Variants in TSC22D2 observed in about 807,000 individuals in gnomAD.
The protein encoded by TSC22D2 is TSC22 domain family member 2, also known as TSC22 domain family protein 2.
TSC22D2 carries 5 observed loss-of-function variants against 50.1 expected under a neutral mutation model. That is an observed-to-expected ratio of 0.10 (90% confidence interval 0.05 to 0.21). The LOEUF is 0.21. Ranked by LOEUF, TSC22D2 falls within the 10% of genes least tolerant of loss-of-function variation. TSC22D2 has a pLI of 1.00. For missense variants in TSC22D2, 1,003 were observed against 1,015.5 expected, an observed-to-expected ratio of 0.99 and a Z score of 0.17; for synonymous variants, 501 against 450.1, an observed-to-expected ratio of 1.11 and a Z score of -1.43.
intron 1 of TSC22D2, among the ~76,000 whole-genome samples, chr3:150,453,549 C>T (rs1176495853): frequency 1.3e-5 from 2 of 152,068 alleles, no homozygotes; most frequent in African/African-American, 4.8e-5. Context: ...AAATAGATTA[C>T]GGGGCCCCGC....
chr3:150,424,978 C>T (rs1720132093), intron 1 of TSC22D2, among the ~76,000 whole-genome samples: 1 of 152,156 alleles, frequency 6.6e-6, no homozygotes, highest in African/African-American at 2.4e-5. Context: ...TCTACACTTT[C>T]AGTTGGCAAC....
At chr3:150,420,950 G>A (rs1236415125) in intron 1 of TSC22D2, among the ~76,000 whole-genome samples, 1 of 152,178 alleles carries the variant, frequency 6.6e-6, no homozygotes, top group Admixed American at 6.5e-5. Context: ...GCGCGTGGTG[G>A]TGGGAGCCTG....
In TSC22D2 at chr3:150,410,823, G is replaced by T. The variant is rs370560797; in HGVS notation, c.1473G>T (p.Pro491=). 1.8e-5 allele frequency: 29 copies of T among 1,613,370 alleles called. No individual in the cohort carries two copies. In the African/African-American group the frequency reaches 2.8e-4, roughly 16 times the overall value. Residue 491 remains proline, a synonymous_variant, in exon 1 of 3, where the codon CCG becomes CCT. Transcript: ENST00000688009. ...CGCCGCAGATGGGTGGCAGTGGTCC[G>T]CTGTCAGCCGTACCTGGTGGCCCTC... The part of the protein sequence containing the change: ...VPPPQMGGSG[P]LSAVPGGPHA...
chr3:150,426,314 T>A (rs1445072306), intron 1 of TSC22D2, among the ~76,000 whole-genome samples: 1 of 152,210 alleles, frequency 6.6e-6, no homozygotes, highest in Non-Finnish European at 1.5e-5. Flanking sequence ...ATAGTAACTT[T>A]AAAATTTGAC....
At chr3:150,454,698 A>G (rs1471794906) in intron 1 of TSC22D2, among the ~76,000 whole-genome samples, 3 of 152,204 alleles carry the variant, frequency 2.0e-5, no homozygotes, top group East Asian at 3.9e-4. Context: ...AGCCTTCAAG[A>G]TAGTTAAAGG....
At chr3:150,447,402 T>G in intron 1 of TSC22D2, among the ~76,000 whole-genome samples, 1 of 152,184 alleles carries the variant, frequency 6.6e-6, no homozygotes, top group East Asian at 1.9e-4. Flanking sequence ...TCTTACAACT[T>G]TCAAATCTAG....
Position 150,419,524 on chromosome 3 carries a change from G to T in TSC22D2, c.1958+8216G>T, listed in dbSNP as rs1285065143. Reference sequence around the variant, plus strand: ...TAGAGATCTCTGAAGTCGAATTTTGGCATAGATTAAGAGAAAGAGGTGTTT... The same window carrying T: ...TAGAGATCTCTGAAGTCGAATTTTGTCATAGATTAAGAGAAAGAGGTGTTT... On this transcript the variant is annotated intron_variant, in intron 1 of 2. Coordinates refer to ENST00000688009, the MANE Select transcript of TSC22D2 (RefSeq NM_001303264.2). 3.9e-5 allele frequency among the ~76,000 whole-genome samples: 6 copies of T among 151,982 alleles called. No individual in the cohort carries two copies. The East Asian group carries it at 1.2e-3, about 29-fold the overall frequency.
chr3:150,426,292 T>G (rs1248593302), intron 1 of TSC22D2, among the ~76,000 whole-genome samples: 2 of 152,210 alleles, frequency 1.3e-5, no homozygotes, highest in East Asian at 3.8e-4. Context: ...CTAAGCCTAC[T>G]GGCATTTGAG....
In TSC22D2 at chr3:150,461,747, C is replaced by T. The variant is rs919084060; in HGVS notation, c.*3111C>T. The T allele has an allele frequency of 6.6e-6, 1 of 151,958 alleles. No homozygotes were observed. The highest frequency in any genetic ancestry group is 1.5e-5 in the Non-Finnish European group (1 of 67,994). The allele number at this position is 151,958 out of a possible 1,614,324, so 9.4% of individuals were successfully genotyped here. A position where few individuals can be genotyped will look rare whatever the true frequency, so the allele number is the denominator to read the frequency against. On this transcript the variant is annotated 3_prime_UTR_variant, in exon 3 of 3. Coordinates refer to ENST00000688009, the MANE Select transcript of TSC22D2 (RefSeq NM_001303264.2). ...TTGAGATAACGTTTTATAATCAAGCCTCCAGTGACTGGGGATCACAGCTGC... is the reference window on the plus strand; with the variant it reads ...TTGAGATAACGTTTTATAATCAAGCTTCCAGTGACTGGGGATCACAGCTGC...
In TSC22D2 at chr3:150,465,619, G is replaced by A. The variant is rs76324703; in HGVS notation, c.*6983G>A. 2 of 152,158 alleles carry A rather than the reference G, an allele frequency of 1.3e-5. No homozygotes were observed. Among genetic ancestry groups the A allele is most frequent in the Admixed American group, 1.3e-4 (2 of 15,270 alleles). 9.4% of individuals were successfully genotyped at this position (152,158 alleles called of 1,614,324 possible). A position where few individuals can be genotyped will look rare whatever the true frequency, so the allele number is the denominator to read the frequency against. Reference sequence around the variant, plus strand: ...AATGATGTCAATTGCACCTTTGCTTGTACAGTAGACCCCCTTATCTGCATT... The same window carrying A: ...AATGATGTCAATTGCACCTTTGCTTATACAGTAGACCCCCTTATCTGCATT... On this transcript the variant is annotated 3_prime_UTR_variant, in exon 3 of 3. Coordinates refer to ENST00000688009, the MANE Select transcript of TSC22D2 (RefSeq NM_001303264.2).
intron 1 of TSC22D2, among the ~76,000 whole-genome samples, chr3:150,424,673 G>C (rs1228949434): frequency 6.6e-6 from 1 of 152,066 alleles, no homozygotes; most frequent in South Asian, 2.1e-4. Flanking sequence ...GGCAAGTTGC[G>C]TATCTATGGT....
rs554820794 is a variant in TSC22D2 at position 150,458,451 on chromosome 3, G to C, written c.2086G>C (p.Val696Leu). Residue 696 changes from valine to leucine, a missense_variant, in exon 3 of 3, where the codon GTT (valine) becomes CTT (leucine). Around this residue, in one of 6 missense-constraint regions of TSC22D2, gnomAD observed 17 missense variants for 57.7 expected, o/e 0.29. Coordinates refer to ENST00000688009, the MANE Select transcript of TSC22D2 (RefSeq NM_001303264.2). ...TTTAAAGGAACAAATAAAAGAATTA[G>C]TTGAAAGAAACTCTTTACTTGAACG... is the stretch of plus-strand genomic sequence containing the variant. ...EVLKEQIKEL[V>L]ERNSLLEREN... 2.5e-6 allele frequency: 4 copies of C among 1,614,098 alleles called. No homozygotes were observed. The African/African-American group carries it at 4.0e-5, about 16-fold the overall frequency.
chr3:150,437,237 G>A (rs746118072), intron 1 of TSC22D2, among the ~76,000 whole-genome samples: 39 of 152,088 alleles, frequency 2.6e-4, no homozygotes, highest in Non-Finnish European at 4.3e-4. Flanking sequence ...TATTTTTAAT[G>A]AAGTGATTTT....
At position 150,458,515 on chromosome 3, in the gene TSC22D2, A is replaced by G; in HGVS notation, c.2150A>G (p.Gln717Arg). The change falls in exon 3 of 3, where the codon CAA becomes CGA. Residue 717 changes from glutamine (Q) to arginine (R), a missense_variant. Physicochemically the swap from Gln to Arg is conservative, Grantham distance 43. Transcript: ENST00000688009. ...TTAAAATCTCTTTCAAGCAATGATCAATTATCCCAACTCCCAACCCAACAG... is the reference window on the plus strand; with the variant it reads ...TTAAAATCTCTTTCAAGCAATGATCGATTATCCCAACTCCCAACCCAACAG... ...ALLKSLSSND[Q>R]LSQLPTQQAN... The G allele has an allele frequency of 1.2e-6, 2 of 1,614,184 alleles. No homozygotes were observed. Among genetic ancestry groups the G allele is most frequent in the Non-Finnish European group, 1.7e-6 (2 of 1,180,034 alleles).
At chr3:150,445,793 G>C (rs770437792) in intron 1 of TSC22D2, among the ~76,000 whole-genome samples, 8 of 152,148 alleles carry the variant, frequency 5.3e-5, no homozygotes, top group African/African-American at 9.7e-5. Context: ...CACCCCACTA[G>C]TAAGTGGTTG....
In TSC22D2 at chr3:150,411,264, C is replaced by A. The variant is rs771324610; in HGVS notation, c.1914C>A (p.Thr638=). ...TAACACCTATGAACAGTCTGGCCAC[C>A]TCTGTATTCAGCATAGCTATTCCTG... The part of the protein sequence containing the change: ...LQLTPMNSLA[T]SVFSIAIPVD... The change falls in exon 1 of 3, where the codon ACC becomes ACA. Residue 638 remains threonine, a synonymous_variant. Coordinates refer to ENST00000688009, the MANE Select transcript of TSC22D2 (RefSeq NM_001303264.2). The A allele has an allele frequency of 6.2e-7, 1 of 1,614,184 alleles. No individual in the cohort carries two copies. The highest frequency in any genetic ancestry group is 1.1e-5 in the South Asian group (1 of 91,086).
chr3:150,434,288 A>AC (rs1487399994), intron 1 of TSC22D2, among the ~76,000 whole-genome samples: 17 of 151,710 alleles, frequency 1.1e-4, no homozygotes, highest in African/African-American at 4.1e-4. Flanking sequence ...GATTACAGGC[A>AC]CCACCACCAC....
intron 1 of TSC22D2, among the ~76,000 whole-genome samples, chr3:150,412,574 C>T (rs1467146244): frequency 1.3e-5 from 2 of 152,152 alleles, no homozygotes; most frequent in South Asian, 2.1e-4. Context: ...CATTCATCTT[C>T]TCTGCTTTTT....
chr3:150,425,426 G>T (rs1472806236), intron 1 of TSC22D2, among the ~76,000 whole-genome samples: 5 of 152,178 alleles, frequency 3.3e-5, no homozygotes, highest in African/African-American at 9.7e-5. Context: ...CAAGGCAGGA[G>T]AATTGCTTAA....
Sources: allele counts gnomAD v4.1 joint callset (sites outside exome capture counted in the v4.1 genomes callset), GRCh38; gene constraint gnomAD v4.1.1; regional missense constraint gnomAD v4.1.1; transcripts MANE v1.5; gene names NCBI Gene and HGNC (gene_info 2026-07-23, HGNC 2026-07-21).